MVB12B: variants seen among roughly 807,000 people sequenced by gnomAD.
MVB12B encodes ESCRT-I complex subunit MVB12B.
A neutral mutation model predicts 41.6 loss-of-function variants in MVB12B; 16 were observed. That is an observed-to-expected ratio of 0.38 (90% CI 0.26 to 0.58). MVB12B has a LOEUF of 0.58. Among genes scored for constraint, MVB12B ranks in the 20% least tolerant of loss-of-function variants. The probability of loss-of-function intolerance (pLI) is 0.62; values close to 1 mark genes in which losing one functional copy is unlikely to be tolerated. For missense variants in MVB12B, 274 were observed against 380.2 expected, an observed-to-expected ratio of 0.72 and a Z score of 2.32; for synonymous variants, 133 against 139.7, an observed-to-expected ratio of 0.95 and a Z score of 0.34.
chr9:126,428,552 G>T (rs537770892), intron 7 of MVB12B, among the ~76,000 whole-genome samples: 16 of 152,182 alleles, frequency 1.1e-4, no homozygotes, highest in Admixed American at 5.2e-4. Flanking sequence ...ATACTTTAAT[G>T]ATCAGGAAGC....
At chr9:126,445,912 T>C (rs1319231497) in intron 7 of MVB12B, among the ~76,000 whole-genome samples, 1 of 152,200 alleles carries the variant, frequency 6.6e-6, no homozygotes, top group African/African-American at 2.4e-5. Flanking sequence ...CATCTGCAAA[T>C]ACAGATCATT....
At position 126,367,931 on chromosome 9, in the gene MVB12B, T is replaced by C. The variant is rs549582757; in HGVS notation, c.205-13133T>C. Among the ~76,000 whole-genome samples, 2 of 152,244 alleles carry C rather than the reference T, an allele frequency of 1.3e-5. No individual in the cohort carries two copies. Among genetic ancestry groups the C allele is most frequent in the East Asian group, 3.9e-4 (2 of 5,178 alleles). On this transcript the variant is annotated intron_variant, in intron 2 of 9. Transcript: ENST00000361171. The surrounding 1 kb of genome is among the most constrained non-coding windows in gnomAD (Gnocchi z 4.3). ...GAGGGAGTGCCTGACATATCATAAA[T>C]GGCTAGAGAATGTTTGCTGAAAGAA...
rs997763279 is a variant in MVB12B, at chr9:126,505,263, G to A, written c.*2000G>A. On this transcript the variant is annotated 3_prime_UTR_variant, in exon 10 of 10. Coordinates refer to ENST00000361171, the MANE Select transcript of MVB12B (RefSeq NM_033446.3). ...CTAGGAGGCTCAGAGGCAGTGGTGT[G>A]GGAGCCCTGTCTGCAAGGACGCAGA... 6.6e-6 allele frequency: 1 copy of A among 152,198 alleles called. No individual in the cohort carries two copies. Among genetic ancestry groups the A allele is most frequent in the Non-Finnish European group, 1.5e-5 (1 of 68,032 alleles). The allele number at this position is 152,198 out of a possible 1,614,324, so 9.4% of individuals were successfully genotyped here.
At chr9:126,412,556 A>G (rs1382313971) in intron 6 of MVB12B, among the ~76,000 whole-genome samples, 2 of 152,136 alleles carry the variant, frequency 1.3e-5, no homozygotes, top group Admixed American at 6.5e-5. Context: ...TCCCAACCAC[A>G]TTGAGAAGTG....
Position 126,363,488 on chromosome 9 carries a change from G to A in MVB12B, c.205-17576G>A, listed in dbSNP as rs116128773. On this transcript the variant is annotated intron_variant, in intron 2 of 9. Transcript: ENST00000361171. The stretch of plus-strand genomic sequence containing the variant: ...CTCCTTTCTTAAGGCCTATTGGATT[G>A]TCTTCTAATGCATTTCCCTAACTCC... Among the ~76,000 whole-genome samples the A allele has an allele frequency of 3.5e-3, 529 of 152,316 alleles. 2 individuals carry two copies. Among genetic ancestry groups the A allele is most frequent in the African/African-American group, 0.012 (504 of 41,570 alleles).
In MVB12B at chr9:126,381,282, T is replaced by C. The variant is rs1172542868; in HGVS notation, c.312+111T>C. The C allele has an allele frequency of 3.9e-6, 3 of 765,634 alleles. No homozygotes were observed. In the East Asian group the frequency reaches 8.1e-5, roughly 21 times the overall value. 47.4% of individuals were successfully genotyped at this position (765,634 alleles called of 1,614,324 possible). A position where few individuals can be genotyped will look rare whatever the true frequency, so the allele number is the denominator to read the frequency against. ...TGGTTTATTTTCATTGCCATATTAA[T>C]TTATCTGTGGTTTTAGTGAACTGGG... is the stretch of plus-strand genomic sequence containing the variant. On this transcript the variant is annotated intron_variant, in intron 3 of 9. Coordinates refer to ENST00000361171, the MANE Select transcript of MVB12B (RefSeq NM_033446.3).
rs956164054 is a variant in MVB12B, at chr9:126,496,995, G to A, written c.874-6182G>A. On this transcript the variant is annotated intron_variant, in intron 9 of 9. Coordinates refer to ENST00000361171, the MANE Select transcript of MVB12B (RefSeq NM_033446.3). Reference sequence around the variant, plus strand: ...GAGGAGACAGGAGGGGCTGGGTACCGATGAGGATTGACAGAATGACTGGGA... The same window carrying A: ...GAGGAGACAGGAGGGGCTGGGTACCAATGAGGATTGACAGAATGACTGGGA... 1.2e-4 allele frequency among the ~76,000 whole-genome samples: 19 copies of A among 152,188 alleles called. 1 individual carries two copies. The highest frequency in any genetic ancestry group is 1.5e-5 in the Non-Finnish European group (1 of 68,016).
At chr9:126,413,445 T>A (rs1398322760) in intron 6 of MVB12B, among the ~76,000 whole-genome samples, 3 of 152,202 alleles carry the variant, frequency 2.0e-5, no homozygotes, top group Non-Finnish European at 4.4e-5. Context: ...ATGATATTTT[T>A]AAATTTTCTT....
chr9:126,471,217 G>C (rs1833308595), intron 7 of MVB12B, among the ~76,000 whole-genome samples: 1 of 152,204 alleles, frequency 6.6e-6, no homozygotes, highest in Admixed American at 6.5e-5. Context: ...GTTCTTTCCT[G>C]TTGCTGTCTG....
At chr9:126,399,357 C>G (rs1343207193) in intron 6 of MVB12B, among the ~76,000 whole-genome samples, 1 of 152,214 alleles carries the variant, frequency 6.6e-6, no homozygotes, top group Non-Finnish European at 1.5e-5. Flanking sequence ...TCATGCACGT[C>G]GATCAACAGG....
chr9:126,500,289 C>G (rs552038606), intron 9 of MVB12B, among the ~76,000 whole-genome samples: 6 of 152,194 alleles, frequency 3.9e-5, no homozygotes, highest in Non-Finnish European at 5.9e-5. Context: ...TGGGCTTTCT[C>G]CCTCTATCAT....
chr9:126,335,464 T>A, intron 1 of MVB12B: 1 of 1,222,160 alleles, frequency 8.2e-7, no homozygotes, highest in African/African-American at 1.6e-5. Context: ...GTGGTGTGCA[T>A]TGGTGAGGCC....
chr9:126,496,840 A>C (rs2119233577), intron 9 of MVB12B, among the ~76,000 whole-genome samples: 1 of 152,032 alleles, frequency 6.6e-6, no homozygotes, highest in East Asian at 1.9e-4. Flanking sequence ...GTGTTTTGTG[A>C]GATAGGGTGC....
chr9:126,418,170 G>C (rs201872480), intron 6 of MVB12B, among the ~76,000 whole-genome samples: 4 of 151,878 alleles, frequency 2.6e-5, no homozygotes, highest in Admixed American at 6.5e-5. Context: ...TTGGCGGGGT[G>C]GGGGGTGGTG....
At position 126,386,598 on chromosome 9, in the gene MVB12B, A is replaced by G. The variant is rs749440278; in HGVS notation, c.349A>G (p.Ile117Val). ...LGNVLVDMKL[I>V]DIKDTLPVGF... ...GAACGTGTTAGTAGATATGAAGCTC[A>G]TTGACATCAAGGACACACTGCCTGT... The change falls in exon 4 of 10, where the codon ATT becomes GTT. Residue 117 changes from isoleucine to valine, a missense_variant. Ile to Val is a conservative substitution (Grantham distance 29). Transcript: ENST00000361171. This position sits in a 1 kb window ranked among gnomAD's most constrained non-coding sequence, Gnocchi z 4.3. 10 of 1,613,636 alleles carry G rather than the reference A, an allele frequency of 6.2e-6. No individual in the cohort carries two copies. The highest frequency in any genetic ancestry group is 1.7e-4 in the Middle Eastern group (1 of 6,060).
At chr9:126,502,035 T>G (rs1402567020) in intron 9 of MVB12B, among the ~76,000 whole-genome samples, 1 of 152,184 alleles carries the variant, frequency 6.6e-6, no homozygotes, top group African/African-American at 2.4e-5. Context: ...AGCTCACCCA[T>G]AGGGCAGCTC....
chr9:126,434,927 C>A (rs1832428534), intron 7 of MVB12B, among the ~76,000 whole-genome samples: 1 of 152,322 alleles, frequency 6.6e-6, no homozygotes, highest in Non-Finnish European at 1.5e-5. Context: ...GCCCAATGCC[C>A]AGCCCAGGGC....
chr9:126,418,843 C>A (rs538055562), intron 6 of MVB12B, among the ~76,000 whole-genome samples: 1 of 152,194 alleles, frequency 6.6e-6, no homozygotes, highest in African/African-American at 2.4e-5. Flanking sequence ...TTCCAGGGAG[C>A]CTTCTCCTAC....
At chr9:126,466,138 T>C (rs1199204970) in intron 7 of MVB12B, among the ~76,000 whole-genome samples, 1 of 152,150 alleles carries the variant, frequency 6.6e-6, no homozygotes, top group Non-Finnish European at 1.5e-5. Flanking sequence ...TGTGGGTCAG[T>C]GGGTGATTAT....
Sources: allele counts gnomAD v4.1 joint callset (sites outside exome capture counted in the v4.1 genomes callset), GRCh38; gene constraint gnomAD v4.1.1; non-coding constraint Gnocchi (gnomAD v3.1); transcripts MANE v1.5; gene names NCBI Gene and HGNC (gene_info 2026-07-23, HGNC 2026-07-21).